Variants in GLDN observed in about 807,000 individuals in gnomAD.
GLDN encodes the protein collomin.
Under a neutral mutation model 56.5 loss-of-function variants are expected in GLDN, and 47 were observed. The observed-to-expected ratio is 0.83, with a 90% CI of 0.66 to 1.06. GLDN has a LOEUF of 1.06. Ranked by LOEUF, GLDN falls within the 50% of genes least tolerant of loss-of-function variation. The pLI, the probability that GLDN is intolerant of heterozygous loss-of-function variation, is 0.00. For synonymous variants in GLDN, 332 were observed against 278.8 expected, an observed-to-expected ratio of 1.19 and a Z score of -1.90; for missense variants, 782 against 714.3, an observed-to-expected ratio of 1.09 and a Z score of -1.08.
intron 4 of GLDN, 149 bp downstream of exon 4, chr15:51,384,041 T>C (rs2037834191): frequency 2.8e-6 from 2 of 712,508 alleles, no homozygotes; most frequent in Admixed American, 4.3e-5. Context: ...AGCCATTGCG[T>C]TCCGGGATAC....
intron 2 of GLDN, among the ~76,000 whole-genome samples, chr15:51,380,981 CCTCA>C (rs532136119): frequency 5.7e-4 from 87 of 152,278 alleles, no homozygotes; most frequent in African/African-American, 1.9e-3. Flanking sequence ...GATTATTGGG[CCTCA>C]CTCTAAATCC....
At chr15:51,412,665 A>G (rs1369311001), downstream of GLDN, among the ~76,000 whole-genome samples, 2 of 152,188 alleles carry the variant, frequency 1.3e-5, no homozygotes, top group Non-Finnish European at 2.9e-5. Flanking sequence ...TTTTGTAGGC[A>G]GCATATAGTT....
At chr15:51,363,787 T>C (rs2037349627) in intron 1 of GLDN, among the ~76,000 whole-genome samples, 1 of 152,244 alleles carries the variant, frequency 6.6e-6, no homozygotes, top group Admixed American at 6.5e-5. Flanking sequence ...TCATTTTAGC[T>C]TGAGCACGAT....
chr15:51,395,308 C>T (rs1038692746), intron 5 of GLDN, among the ~76,000 whole-genome samples: 3 of 152,212 alleles, frequency 2.0e-5, no homozygotes, highest in African/African-American at 7.2e-5. Flanking sequence ...CAACTTACGA[C>T]ACCTCAGAGG....
rs781313856 is a variant in GLDN, at chr15:51,404,380, G to C, written c.1282G>C (p.Ala428Pro). The change falls in exon 10 of 10, where the codon GCT becomes CCT. Residue 428 changes from alanine to proline, a missense_variant. Coordinates refer to ENST00000335449, the MANE Select transcript of GLDN (RefSeq NM_181789.4). ...FANSKTYFNLAVDEKGLWIIY... is the reference protein window; with the variant it reads ...FANSKTYFNLPVDEKGLWIIY... ...AAATTCCAAAACTTACTTCAATCTA[G>C]CTGTAGATGAAAAGGGCCTTTGGAT... The C allele has an allele frequency of 8.7e-6, 14 of 1,613,992 alleles. No homozygotes were observed. The African/African-American group carries it at 1.7e-4, about 20-fold the overall frequency.
At position 51,397,534 on chromosome 15, in the gene GLDN, G is replaced by T; in HGVS notation, c.753G>T (p.Gly251=). ...PGPPGPPGPP[G]PPGSRRAKGP... ...CCCCAGGCCCTCCAGGTCCTCCAGG[G>T]CCCCCTGGAAGCAGAAGAGCCAAAG... The change falls in exon 6 of 10, where the codon GGG becomes GGT. Residue 251 remains glycine (G), a synonymous_variant. Coordinates refer to ENST00000335449, the MANE Select transcript of GLDN (RefSeq NM_181789.4). The T allele has an allele frequency of 1.3e-6, 2 of 1,599,422 alleles. No individual in the cohort carries two copies. The highest frequency in any genetic ancestry group is 1.7e-6 in the Non-Finnish European group (2 of 1,172,070).
intron 1 of GLDN, among the ~76,000 whole-genome samples, chr15:51,359,978 C>CAAAAAAAAAA (rs58874237): frequency 4.5e-4 from 42 of 92,588 alleles, no homozygotes; most frequent in Non-Finnish European, 6.8e-4. Flanking sequence ...GACTCTGTCT[C>CAAAAAAAAAA]AAAAAAAAAA....
At chr15:51,361,901 A>G (rs959110925) in intron 1 of GLDN, among the ~76,000 whole-genome samples, 3 of 152,324 alleles carry the variant, frequency 2.0e-5, no homozygotes, top group Middle Eastern at 3.4e-3. Flanking sequence ...ACTGCACTCC[A>G]GCCTGGGCAA....
chr15:51,377,453 G>A lies in GLDN; in HGVS notation c.368G>A (p.Arg123Gln), dbSNP rs569083008. 78 of 1,613,886 alleles carry A rather than the reference G, an allele frequency of 4.8e-5. No homozygotes were observed. Among genetic ancestry groups the A allele is most frequent in the Admixed American group, 8.3e-5 (5 of 60,026 alleles). Residue 123 changes from arginine to glutamine, a missense_variant, in exon 2 of 10, where the codon CGA becomes CAA. Physicochemically the swap from Arg to Gln is conservative, Grantham distance 43. Transcript: ENST00000335449. ...ATGACCCTCTCTCCCCTGCAGATCC[G>A]AGTGATGGTGGACCTGTGCAACAGC... ...MMMTYSMVPI[R>Q]VMVDLCNSTK... is the part of the protein sequence containing the mutation.
intron 1 of GLDN, among the ~76,000 whole-genome samples, chr15:51,358,731 G>A (rs1239435866): frequency 6.6e-6 from 1 of 152,154 alleles, no homozygotes; most frequent in Non-Finnish European, 1.5e-5. Flanking sequence ...AACCACCCCT[G>A]AGGTGTATTC....
chr15:51,344,113 C>T (rs1166333041), intron 1 of GLDN, among the ~76,000 whole-genome samples: 2 of 152,238 alleles, frequency 1.3e-5, no homozygotes, highest in Admixed American at 6.5e-5. Context: ...GCTACCAATG[C>T]TACTGGCCTG....
intron 2 of GLDN, among the ~76,000 whole-genome samples, chr15:51,378,551 G>A (rs1395968257): frequency 2.0e-5 from 3 of 152,138 alleles, no homozygotes; most frequent in Non-Finnish European, 4.4e-5. Flanking sequence ...AGACCTGAGA[G>A]CCAGGCTGTA....
At chr15:51,412,068 G>A (rs1445029693), downstream of GLDN, among the ~76,000 whole-genome samples, 1 of 152,214 alleles carries the variant, frequency 6.6e-6, no homozygotes, top group Non-Finnish European at 1.5e-5. Flanking sequence ...CTGACCATGT[G>A]CCAGGCACCA....
Position 51,405,847 on chromosome 15 carries a change from A to G in GLDN, c.*1093A>G, listed in dbSNP as rs952278737. The G allele has an allele frequency of 6.6e-6, 1 of 152,102 alleles. No homozygotes were observed. The highest frequency in any genetic ancestry group is 1.9e-4 in the East Asian group (1 of 5,196). The allele number at this position is 152,102 out of a possible 1,614,324, so 9.4% of individuals were successfully genotyped here. The stretch of plus-strand genomic sequence containing the variant: ...ATAAGGTTTTACTGAGCACAGCCAC[A>G]CTCATTTGTTTATGCAGTACGGCCT... On this transcript the variant is annotated 3_prime_UTR_variant, in exon 10 of 10. Coordinates refer to ENST00000335449, the MANE Select transcript of GLDN (RefSeq NM_181789.4).
intron 4 of GLDN, among the ~76,000 whole-genome samples, chr15:51,387,986 G>T (rs991722206): frequency 6.6e-6 from 1 of 152,150 alleles, no homozygotes; most frequent in African/African-American, 2.4e-5. Context: ...GCTCACCCTT[G>T]CCCCAGGACC....
At chr15:51,349,087 A>G (rs1398407052) in intron 1 of GLDN, among the ~76,000 whole-genome samples, 1 of 152,160 alleles carries the variant, frequency 6.6e-6, no homozygotes, top group East Asian at 1.9e-4. Flanking sequence ...TGTACTCCCG[A>G]TTCTTAGGGT....
intron 1 of GLDN, chr15:51,369,019 C>T (rs547984628): frequency 1.2e-4 from 19 of 152,322 alleles, no homozygotes; most frequent in Admixed American, 6.5e-4. Context: ...GACCCACATT[C>T]CCGTTGGTGT....
chr15:51,345,069 T>G (rs1253528429), intron 1 of GLDN, among the ~76,000 whole-genome samples: 1 of 152,174 alleles, frequency 6.6e-6, no homozygotes, highest in East Asian at 1.9e-4. Flanking sequence ...AGAGAAAATT[T>G]GACCCATCTG....
rs74016735 is a variant in GLDN at position 51,377,165 on chromosome 15, A to G, written c.364-284A>G. On this transcript the variant is annotated intron_variant, in intron 1 of 9. Transcript: ENST00000335449. The stretch of plus-strand genomic sequence containing the variant: ...GTGTGGTAGGTTTGTTTATACCAGC[A>G]TCACCACAAACACGAAGTCATGCAT... 1.0e-3 allele frequency: 484 copies of G among 466,994 alleles called. 1 individual carries two copies. Among genetic ancestry groups the G allele is most frequent in the African/African-American group, 8.7e-3 (450 of 51,482 alleles). 28.9% of individuals were successfully genotyped at this position (466,994 alleles called of 1,614,324 possible).
Sources: gnomAD v4.1 joint callset for allele counts (sites outside exome capture counted in the v4.1 genomes callset) on GRCh38, gnomAD v4.1.1 for gene constraint, MANE v1.5 for transcripts, NCBI Gene and HGNC (gene_info 2026-07-23, HGNC 2026-07-21) for gene names.